Variants in PCSK6 observed in about 807,000 individuals in gnomAD.
The protein encoded by PCSK6 is paired basic amino acid cleaving enzyme 4.
A neutral mutation model predicts 123.3 loss-of-function variants in PCSK6; 85 were observed. That is an observed-to-expected ratio of 0.69 (90% CI 0.58 to 0.83). The LOEUF (loss-of-function observed/expected upper bound fraction) is 0.83. Among genes scored for constraint, PCSK6 ranks in the 40% least tolerant of loss-of-function variants. The pLI, the probability that PCSK6 is intolerant of heterozygous loss-of-function variation, is 0.00. For missense variants in PCSK6, 1,191 were observed against 1,282.3 expected, an observed-to-expected ratio of 0.93 and a Z score of 1.09; for synonymous variants, 508 against 516.0, an observed-to-expected ratio of 0.98 and a Z score of 0.21.
At chr15:101,349,761 C>T (rs1596214191) in intron 13 of PCSK6, among the ~76,000 whole-genome samples, 2 of 152,320 alleles carry the variant, frequency 1.3e-5, no homozygotes, top group East Asian at 3.9e-4. Context: ...TCCTCTGCCC[C>T]TGCATTCCCG....
rs188071968 is a variant in PCSK6, at chr15:101,345,894, C to G, written c.1859-13863G>C. On this transcript the variant is annotated intron_variant, in intron 13 of 21. Transcript: ENST00000611716. ...TGTTGGCCAGGCTGGTCTCAAACTC[C>G]TGACCTCAGGTGATCCGCCTGCCTC... Among the ~76,000 whole-genome samples, 83 of 152,356 alleles carry G rather than the reference C, an allele frequency of 5.4e-4. No individual in the cohort carries two copies. The East Asian group carries it at 0.014, about 26-fold the overall frequency.
intron 13 of PCSK6, among the ~76,000 whole-genome samples, chr15:101,361,777 C>T (rs1451196964): frequency 6.6e-6 from 1 of 151,932 alleles, no homozygotes; most frequent in Non-Finnish European, 1.5e-5. Flanking sequence ...GAGAGTGGCT[C>T]TAGCCAGTAG....
At chr15:101,382,336 C>T (rs548035828) in intron 10 of PCSK6, 127 bp from the exon 11 acceptor site, 4 of 697,920 alleles carry the variant, frequency 5.7e-6, no homozygotes, top group Non-Finnish European at 9.6e-6. Context: ...CTCCTGGGGG[C>T]CCCAGGCTGC....
At chr15:101,404,632 G>A (rs373334979) in intron 6 of PCSK6, among the ~76,000 whole-genome samples, 2 of 152,162 alleles carry the variant, frequency 1.3e-5, no homozygotes, top group African/African-American at 4.8e-5. Context: ...ATGACCTTGG[G>A]CCATGGTCTC....
intron 13 of PCSK6, among the ~76,000 whole-genome samples, chr15:101,349,524 T>C (rs1420613297): frequency 6.6e-6 from 1 of 152,178 alleles, no homozygotes; most frequent in Admixed American, 6.5e-5. Flanking sequence ...TTCTCCAGGC[T>C]GGAATTTTCC....
At position 101,459,449 on chromosome 15, in the gene PCSK6, C is replaced by CCCG. The variant is rs1567236649; in HGVS notation, c.298-15790_298-15789insCGG. Among the ~76,000 whole-genome samples, 163 of 129,936 alleles carry CCCG rather than the reference C, an allele frequency of 1.3e-3. 6 individuals are homozygous for CCCG. Among genetic ancestry groups the CCCG allele is most frequent in the African/African-American group, 3.9e-3 (142 of 36,396 alleles). 85.2% of individuals were successfully genotyped at this position (129,936 alleles called of 152,430 possible). A position where few individuals can be genotyped will look rare whatever the true frequency, so the allele number is the denominator to read the frequency against. The stretch of plus-strand genomic sequence containing the variant: ...GTCTCCTCTCCCTAAGTCCACATCA[C>CCCG]CTGCTGCCACCATTCCCGTCCCCCC... On this transcript the variant is annotated intron_variant, in intron 1 of 21. Coordinates refer to ENST00000611716, the MANE Select transcript of PCSK6 (RefSeq NM_002570.5).
intron 1 of PCSK6, among the ~76,000 whole-genome samples, chr15:101,476,155 C>T (rs1033257877): frequency 6.6e-6 from 1 of 152,202 alleles, no homozygotes; most frequent in Non-Finnish European, 1.5e-5. Flanking sequence ...AATAATAACA[C>T]CTACCCCATA....
chr15:101,399,181 G>T (rs3784464), intron 6 of PCSK6, among the ~76,000 whole-genome samples: 2 of 152,028 alleles, frequency 1.3e-5, no homozygotes, highest in South Asian at 4.1e-4. Context: ...GCTTACAGGC[G>T]TGAGCCACCA....
intron 13 of PCSK6, among the ~76,000 whole-genome samples, chr15:101,361,956 CTT>C (rs10639429): frequency 1.3e-4 from 15 of 111,500 alleles, no homozygotes; most frequent in Middle Eastern, 5.6e-3. Context: ...CAAGGTGAAG[CTT>C]TTTTTTTTTT....
intron 1 of PCSK6, among the ~76,000 whole-genome samples, chr15:101,458,929 C>T (rs1242487224): frequency 1.3e-5 from 2 of 152,202 alleles, no homozygotes; most frequent in Non-Finnish European, 2.9e-5. Flanking sequence ...ACCACCCCGA[C>T]ATCCCGCAAG....
rs2042495828 is a variant in PCSK6 at position 101,398,695 on chromosome 15, G to C, written c.824-119C>G. On this transcript the variant is annotated intron_variant, in intron 6 of 21. Transcript: ENST00000611716. This position sits in a 1 kb window ranked among gnomAD's most constrained non-coding sequence, Gnocchi z 4.6. ...ATCACAGAGTCCCTCCCCAGCAGGG[G>C]CTGTTCCCAGTCATTCTGCAAAACT... 1 of 1,093,108 alleles carries C rather than the reference G, an allele frequency of 9.1e-7. No individual in the cohort carries two copies. Among genetic ancestry groups the C allele is most frequent in the African/African-American group, 1.6e-5 (1 of 63,928 alleles). 67.7% of individuals were successfully genotyped at this position (1,093,108 alleles called of 1,614,324 possible).
intron 6 of PCSK6, among the ~76,000 whole-genome samples, chr15:101,400,848 C>T (rs1351576826): frequency 2.0e-5 from 3 of 152,228 alleles, no homozygotes; most frequent in Admixed American, 1.3e-4. Context: ...AAGATGATTT[C>T]GCTGCAGTAA....
chr15:101,353,783 T>C (rs1596220497), intron 13 of PCSK6, among the ~76,000 whole-genome samples: 4 of 151,834 alleles, frequency 2.6e-5, no homozygotes. Flanking sequence ...CCTCACCAGG[T>C]TGGGTTGAGG....
intron 10 of PCSK6, chr15:101,384,035 TA>T (rs1039575589): frequency 1.1e-6 from 1 of 873,420 alleles, no homozygotes; most frequent in African/African-American, 1.8e-5. Context: ...GCTCCTGGCT[TA>T]AAGAGAACTA....
At chr15:101,347,578 A>G in intron 13 of PCSK6, 1 of 1,450,612 alleles carries the variant, frequency 6.9e-7, no homozygotes, top group Non-Finnish European at 9.1e-7. Flanking sequence ...CATGCAGTCA[A>G]TCAACAACTG....
chr15:101,447,696 A>G (rs7181983), intron 1 of PCSK6, among the ~76,000 whole-genome samples: 44,936 of 152,208 alleles, frequency 0.3, 8,099 homozygotes, highest in Non-Finnish European at 0.41. Flanking sequence ...ATTTGCCCTG[A>G]TGGCAGGTGT....
At chr15:101,389,007 T>C (rs2042150928) in intron 9 of PCSK6, among the ~76,000 whole-genome samples, 1 of 152,132 alleles carries the variant, frequency 6.6e-6, no homozygotes, top group Admixed American at 6.5e-5. Flanking sequence ...GATAAGGCCT[T>C]TAAAAAGGTA....
At chr15:101,362,566 C>T (rs1419849660) in intron 13 of PCSK6, among the ~76,000 whole-genome samples, 2 of 152,072 alleles carry the variant, frequency 1.3e-5, no homozygotes, top group South Asian at 2.1e-4. Flanking sequence ...GTGGAGAGGG[C>T]CCCCAGGTGT....
chr15:101,360,185 C>T (rs921236262), intron 13 of PCSK6, among the ~76,000 whole-genome samples: 3 of 152,180 alleles, frequency 2.0e-5, no homozygotes, highest in Admixed American at 6.5e-5. Flanking sequence ...GTCGGAGTCA[C>T]CTTCACCTGA....
Sources: gnomAD v4.1 joint callset for allele counts (sites outside exome capture counted in the v4.1 genomes callset) on GRCh38, gnomAD v4.1.1 for gene constraint, Gnocchi (gnomAD v3.1) non-coding constraint, MANE v1.5 for transcripts, NCBI Gene and HGNC (gene_info 2026-07-23, HGNC 2026-07-21) for gene names.